PRKAG2: variants seen among roughly 807,000 people sequenced by gnomAD.
PRKAG2 encodes the protein 5'-AMP-activated protein kinase subunit gamma-2.
A neutral mutation model predicts 69.6 loss-of-function variants in PRKAG2; 26 were observed. The ratio of observed to expected loss-of-function variants is 0.37; its 90% CI spans 0.27 to 0.52. The LOEUF (loss-of-function observed/expected upper bound fraction) is 0.52. Among genes scored for constraint, PRKAG2 ranks in the 20% least tolerant of loss-of-function variants. The pLI, the probability that PRKAG2 is intolerant of heterozygous loss-of-function variation, is 0.90. For synonymous variants in PRKAG2, 293 were observed against 285.0 expected, an observed-to-expected ratio of 1.03 and a Z score of -0.28; for missense variants, 557 against 740.0, an observed-to-expected ratio of 0.75 and a Z score of 2.87.
At chr7:151,572,464 C>G (rs1240898770) in intron 9 of PRKAG2, 200 bp downstream of exon 9, 1 of 475,078 alleles carries the variant, frequency 2.1e-6, no homozygotes, top group African/African-American at 2.0e-5. Context: ...CTATACATGT[C>G]TATAAACAGA....
intron 1 of PRKAG2, among the ~76,000 whole-genome samples, chr7:151,837,107 G>A (rs1279250295): frequency 6.6e-6 from 1 of 152,224 alleles, no homozygotes; most frequent in South Asian, 2.1e-4. Flanking sequence ...AGACATCACC[G>A]TACAGGAGCG....
chr7:151,834,156 C>T (rs2079097072), intron 1 of PRKAG2, among the ~76,000 whole-genome samples: 2 of 152,232 alleles, frequency 1.3e-5, no homozygotes, highest in South Asian at 4.1e-4. Flanking sequence ...CAGCAGCCCC[C>T]AACAGGGCTG....
intron 1 of PRKAG2, among the ~76,000 whole-genome samples, chr7:151,818,786 G>T (rs116592503): frequency 0.024 from 3,590 of 152,312 alleles, 134 homozygotes; most frequent in African/African-American, 0.082. Context: ...TCGGGGCACG[G>T]CATGCCACTG....
intron 3 of PRKAG2, among the ~76,000 whole-genome samples, chr7:151,683,030 G>T (rs1834120621): frequency 6.6e-6 from 1 of 152,212 alleles, no homozygotes; most frequent in East Asian, 1.9e-4. Flanking sequence ...CCTTTTTCCT[G>T]CTCCTTAAGG....
chr7:151,589,286 C>T (rs1294035366), intron 6 of PRKAG2, among the ~76,000 whole-genome samples: 1 of 152,242 alleles, frequency 6.6e-6, no homozygotes, highest in South Asian at 2.1e-4. Context: ...CCAACTCCCA[C>T]CCAGAGACAT....
At chr7:151,727,199 G>A (rs1350787291) in intron 3 of PRKAG2, among the ~76,000 whole-genome samples, 3 of 149,850 alleles carry the variant, frequency 2.0e-5, no homozygotes, top group Non-Finnish European at 4.4e-5. Context: ...TGGGCAACGA[G>A]AGCAAAACTC....
intron 4 of PRKAG2, among the ~76,000 whole-genome samples, chr7:151,665,497 A>G (rs1830913525): frequency 6.6e-6 from 1 of 152,036 alleles, no homozygotes; most frequent in Non-Finnish European, 1.5e-5. Flanking sequence ...AATGCCAATT[A>G]TAATATTTTT....
intron 1 of PRKAG2, among the ~76,000 whole-genome samples, chr7:151,833,554 C>T (rs773186950): frequency 6.6e-6 from 1 of 152,130 alleles, no homozygotes. Context: ...CAGAGCGGGG[C>T]GGCAGGAGTG....
intron 1 of PRKAG2, among the ~76,000 whole-genome samples, chr7:151,862,323 G>GA (rs926813914): frequency 7.5e-4 from 113 of 150,614 alleles, no homozygotes; most frequent in African/African-American, 2.2e-3. Context: ...AGATTGGATG[G>GA]AAAAAAAAAT....
chr7:151,696,254 G>A (rs1422802283), intron 3 of PRKAG2, among the ~76,000 whole-genome samples: 3 of 152,256 alleles, frequency 2.0e-5, no homozygotes, highest in Non-Finnish European at 4.4e-5. Flanking sequence ...CACTTTCAGA[G>A]GAAAACGTGG....
At chr7:151,822,501 A>T (rs66985340) in intron 1 of PRKAG2, among the ~76,000 whole-genome samples, 22,888 of 152,242 alleles carry the variant, frequency 0.15, 2,196 homozygotes, top group South Asian at 0.26. Flanking sequence ...GTCTCAGAGC[A>T]CGCGGCGGCC....
chr7:151,598,889 T>C (rs1815300646), intron 5 of PRKAG2, among the ~76,000 whole-genome samples: 1 of 152,054 alleles, frequency 6.6e-6, no homozygotes, highest in South Asian at 2.1e-4. Flanking sequence ...TTAGCTCTTG[T>C]TGCCCAGGCT....
chr7:151,569,713 A>G (rs1807101742), intron 10 of PRKAG2, among the ~76,000 whole-genome samples: 1 of 152,254 alleles, frequency 6.6e-6, no homozygotes, highest in Admixed American at 6.5e-5. Context: ...GAAGGCTTGG[A>G]TAAAAAAGGA....
In PRKAG2 at chr7:151,632,553, C is replaced by T. The variant is rs977037995; in HGVS notation, c.685-415G>A. 93 of 982,578 alleles carry T rather than the reference C, an allele frequency of 9.5e-5. No homozygotes were observed. Among genetic ancestry groups the T allele is most frequent in the Non-Finnish European group, 1.0e-4 (86 of 827,702 alleles). The allele number at this position is 982,578 out of a possible 1,614,324, so 60.9% of individuals were successfully genotyped here. A position where few individuals can be genotyped will look rare whatever the true frequency, so the allele number is the denominator to read the frequency against. The stretch of plus-strand genomic sequence containing the variant: ...AGGCCCGCGGCCCGCCCCCACTCCG[C>T]CCCCCGGCGCCGCTCACCTTCCCAG... On this transcript the variant is annotated intron_variant, in intron 4 of 15. Coordinates refer to ENST00000287878, the MANE Select transcript of PRKAG2 (RefSeq NM_016203.4). The surrounding 1 kb of genome is among the most constrained non-coding windows in gnomAD (Gnocchi z 4.2).
chr7:151,816,269 C>T (rs1402501860), intron 1 of PRKAG2, among the ~76,000 whole-genome samples: 1 of 152,218 alleles, frequency 6.6e-6, no homozygotes, highest in East Asian at 1.9e-4. Context: ...GCTCTAAGAA[C>T]TCACAAGCCT....
intron 3 of PRKAG2, among the ~76,000 whole-genome samples, chr7:151,755,536 A>G (rs1194804279): frequency 1.3e-5 from 2 of 152,006 alleles, no homozygotes; most frequent in South Asian, 4.1e-4. Flanking sequence ...TGAACAGGGG[A>G]TGACATGATG....
intron 1 of PRKAG2, among the ~76,000 whole-genome samples, chr7:151,826,369 G>A (rs1240434910): frequency 6.6e-6 from 1 of 152,018 alleles, no homozygotes; most frequent in African/African-American, 2.4e-5. Flanking sequence ...TTTTAGTAGA[G>A]ACAGGGTTTC....
At chr7:151,673,440 G>GGGCC (rs2151469572) in intron 4 of PRKAG2, among the ~76,000 whole-genome samples, 1 of 152,178 alleles carries the variant, frequency 6.6e-6, no homozygotes, top group East Asian at 1.9e-4. Context: ...CCCTCCTGTA[G>GGGCC]GGCCGACTGT....
At chr7:151,709,450 T>A (rs1223494758) in intron 3 of PRKAG2, among the ~76,000 whole-genome samples, 1 of 152,182 alleles carries the variant, frequency 6.6e-6, no homozygotes, top group African/African-American at 2.4e-5. Context: ...CACTTGGTGA[T>A]GTTGAGTGAT....
Sources: gnomAD v4.1 joint callset for allele counts (sites outside exome capture counted in the v4.1 genomes callset) on GRCh38, gnomAD v4.1.1 for gene constraint, Gnocchi (gnomAD v3.1) non-coding constraint, MANE v1.5 for transcripts, NCBI Gene and HGNC (gene_info 2026-07-23, HGNC 2026-07-21) for gene names.